RASAL2: variants seen among roughly 807,000 people sequenced by gnomAD.
RASAL2 encodes RAS protein activator like 2.
A neutral mutation model predicts 128.9 loss-of-function variants in RASAL2; 58 were observed. The ratio of observed to expected loss-of-function variants is 0.45; its 90% CI spans 0.36 to 0.56. RASAL2 has a LOEUF of 0.56. Ranked by LOEUF, RASAL2 falls within the 20% of genes least tolerant of loss-of-function variation. The probability of loss-of-function intolerance (pLI) is 0.00; values close to 1 mark genes in which losing one functional copy is unlikely to be tolerated. For missense variants in RASAL2, 1,360 were observed against 1,601.6 expected (o/e 0.85, Z 2.57); for synonymous variants, 561 against 580.8 (o/e 0.97, Z 0.49).
chr1:178,303,137 C>T (rs1027414982), intron 3 of RASAL2, among the ~76,000 whole-genome samples: 4 of 152,206 alleles, frequency 2.6e-5, no homozygotes, highest in South Asian at 2.1e-4. Flanking sequence ...ATTTCCCTCA[C>T]GGCAGTGAGA....
chr1:178,297,496 A>C (rs1184536413), intron 2 of RASAL2, among the ~76,000 whole-genome samples: 2 of 151,280 alleles, frequency 1.3e-5, no homozygotes, highest in Non-Finnish European at 2.9e-5. Context: ...AATCCCAGCT[A>C]CTTGGGAGGC....
Position 178,439,596 on chromosome 1 carries a change from A to G in RASAL2, c.828+21A>G, listed in dbSNP as rs1676487692. On this transcript the variant is annotated intron_variant, in intron 6 of 17. Transcript: ENST00000367649. The stretch of plus-strand genomic sequence containing the variant: ...TTGAGGTAAAAATAAAGTGTAGAAA[A>G]AAGGAAGAGTAGTTAAACAACAATT... The G allele has an allele frequency of 2.5e-6, 4 of 1,605,890 alleles. No homozygotes were observed. The South Asian group carries it at 4.5e-5, about 18-fold the overall frequency.
At chr1:178,349,000 C>T (rs1438186422) in intron 3 of RASAL2, among the ~76,000 whole-genome samples, 8 of 150,908 alleles carry the variant, frequency 5.3e-5, no homozygotes, top group African/African-American at 1.9e-4. Flanking sequence ...GGGCTTTCAA[C>T]GTGTTAGCCA....
chr1:178,289,232 C>A (rs747226854), intron 2 of RASAL2, among the ~76,000 whole-genome samples: 8 of 152,120 alleles, frequency 5.3e-5, no homozygotes, highest in Non-Finnish European at 1.0e-4. Flanking sequence ...GAGTTGATCA[C>A]TCATTTCTTC....
Position 178,094,378 on chromosome 1 carries a change from G to C in RASAL2, c.-115G>C. The C allele has an allele frequency of 9.9e-7, 1 of 1,012,688 alleles. No homozygotes were observed. The highest frequency in any genetic ancestry group is 1.8e-5 in the South Asian group (1 of 56,366). The allele number at this position is 1,012,688 out of a possible 1,614,324, so 62.7% of individuals were successfully genotyped here. A position where few individuals can be genotyped will look rare whatever the true frequency, so the allele number is the denominator to read the frequency against. On this transcript the variant is annotated 5_prime_UTR_variant, in exon 1 of 18. Transcript: ENST00000367649. Reference sequence around the variant, plus strand: ...GAGGTGTCCGCGCCGGCTGCCGCTCGGGTCCCTGCCCTCGCTGCGCGCTCT... The same window carrying C: ...GAGGTGTCCGCGCCGGCTGCCGCTCCGGTCCCTGCCCTCGCTGCGCGCTCT...
chr1:178,222,567 A>T (rs1044893118), intron 1 of RASAL2, among the ~76,000 whole-genome samples: 2 of 152,090 alleles, frequency 1.3e-5, no homozygotes, highest in Non-Finnish European at 1.5e-5. Flanking sequence ...TCAATTTTTG[A>T]TGCTTAAAGT....
At chr1:178,236,389 A>G (rs1164273226) in intron 1 of RASAL2, among the ~76,000 whole-genome samples, 1 of 138,820 alleles carries the variant, frequency 7.2e-6, no homozygotes, top group Non-Finnish European at 1.7e-5. Context: ...GTTTCCAAAA[A>G]TCAGAGATTC....
chr1:178,412,020 G>A, intron 4 of RASAL2: 2 of 464,182 alleles, frequency 4.3e-6, no homozygotes, highest in Non-Finnish European at 7.8e-6. Flanking sequence ...CTGTGAACAA[G>A]ACTCCTCAAA....
intron 3 of RASAL2, among the ~76,000 whole-genome samples, chr1:178,321,392 A>AT (rs1668771793): frequency 6.6e-6 from 1 of 152,098 alleles, no homozygotes; most frequent in Non-Finnish European, 1.5e-5. Flanking sequence ...CGCCTCAATA[A>AT]TTTTTTAATA....
intron 17 of RASAL2, 74 bp downstream of exon 17, chr1:178,467,495 A>G: frequency 3.7e-6 from 5 of 1,349,208 alleles, no homozygotes; most frequent in East Asian, 2.4e-5. Flanking sequence ...CACCCTTGCA[A>G]ATGCCAAGGC....
intron 1 of RASAL2, among the ~76,000 whole-genome samples, chr1:178,217,005 C>T (rs557659975): frequency 2.1e-4 from 32 of 151,414 alleles, no homozygotes; most frequent in African/African-American, 2.9e-4. Context: ...GACGGAGTTT[C>T]GCTCTTGTTG....
intron 1 of RASAL2, among the ~76,000 whole-genome samples, chr1:178,171,604 A>G (rs1413183162): frequency 6.6e-6 from 1 of 152,006 alleles, no homozygotes; most frequent in Non-Finnish European, 1.5e-5. Context: ...AATAGGTTAT[A>G]AATAGTTTCT....
At chr1:178,430,926 AC>A (rs1186109912) in intron 5 of RASAL2, among the ~76,000 whole-genome samples, 10 of 151,728 alleles carry the variant, frequency 6.6e-5, no homozygotes, top group African/African-American at 2.4e-4. Flanking sequence ...ACACACACAC[AC>A]ACACACACAC....
intron 3 of RASAL2, among the ~76,000 whole-genome samples, chr1:178,356,775 A>G (rs1424432822): frequency 1.3e-5 from 2 of 152,166 alleles, no homozygotes; most frequent in Admixed American, 6.5e-5. Flanking sequence ...GTTGCAGACA[A>G]TGTTCTAATT....
At chr1:178,101,956 C>G (rs759971194) in intron 1 of RASAL2, among the ~76,000 whole-genome samples, 5 of 152,020 alleles carry the variant, frequency 3.3e-5, no homozygotes, top group Admixed American at 1.3e-4. Context: ...GACAAAACAT[C>G]CATAAAGTAG....
chr1:178,374,904 G>A (rs1257690072), intron 3 of RASAL2, among the ~76,000 whole-genome samples: 1 of 152,256 alleles, frequency 6.6e-6, no homozygotes, highest in East Asian at 1.9e-4. Context: ...GCTAGATGCT[G>A]TGGCTGGATA....
At chr1:178,253,703 G>C (rs1665168456) in intron 1 of RASAL2, among the ~76,000 whole-genome samples, 1 of 152,162 alleles carries the variant, frequency 6.6e-6, no homozygotes, top group South Asian at 2.1e-4. Context: ...GTGCTCATTG[G>C]GGGAGCTTTC....
In RASAL2 at chr1:178,452,498, A is replaced by G; in HGVS notation, c.1855A>G (p.Arg619Gly). Residue 619 changes from arginine (R) to glycine (G), a missense_variant, in exon 11 of 18, where the codon AGG becomes GGG. Arg to Gly is a moderately radical substitution (Grantham distance 125, BLOSUM62 -2). This residue lies in a region of RASAL2 where 741 missense variants were observed against 868.6 expected (regional missense o/e 0.85). Transcript: ENST00000367649. Reference protein sequence around the residue: ...LNRGKQDISERLISASLFLRF... With the variant: ...LNRGKQDISEGLISASLFLRF... The stretch of plus-strand genomic sequence containing the variant: ...CCGTGGCAAGCAAGACATCAGCGAG[A>G]GGCTCATCAGTGCCTCATTATTTCT... 1 of 1,614,082 alleles carries G rather than the reference A, an allele frequency of 6.2e-7. No individual in the cohort carries two copies. Among genetic ancestry groups the G allele is most frequent in the Non-Finnish European group, 8.5e-7 (1 of 1,179,966 alleles).
intron 17 of RASAL2, among the ~76,000 whole-genome samples, chr1:178,469,010 A>G (rs1648013267): frequency 1.3e-5 from 2 of 152,216 alleles, no homozygotes; most frequent in South Asian, 4.1e-4. Context: ...TAAAAGTATC[A>G]GTCTTGGCCA....
Sources: allele counts gnomAD v4.1 joint callset (sites outside exome capture counted in the v4.1 genomes callset), GRCh38; gene constraint gnomAD v4.1.1; regional missense constraint gnomAD v4.1.1; transcripts MANE v1.5; gene names NCBI Gene and HGNC (gene_info 2026-07-23, HGNC 2026-07-21).